Variants in ARHGEF3 observed in about 807,000 individuals in gnomAD.
The protein encoded by ARHGEF3 is Rho guanine nucleotide exchange factor 3, also known as 59.8 kDA protein.
In ARHGEF3, 28 loss-of-function variants were observed where a neutral mutation model predicts 63.2. The observed-to-expected ratio is 0.44, with a 90% confidence interval of 0.33 to 0.61. The LOEUF (loss-of-function observed/expected upper bound fraction) is 0.61. Ranked by LOEUF, ARHGEF3 falls within the 20% of genes least tolerant of loss-of-function variation. The pLI is 0.03. For synonymous variants in ARHGEF3, 266 were observed against 254.2 expected (o/e 1.05, Z -0.44); for missense variants, 533 against 659.3 (o/e 0.81, Z 2.10).
intron 3 of ARHGEF3, among the ~76,000 whole-genome samples, chr3:56,884,900 G>A (rs1414166724): frequency 6.6e-6 from 1 of 152,212 alleles, no homozygotes; most frequent in African/African-American, 2.4e-5. Flanking sequence ...CTGAGGTCAG[G>A]AGAGAGAAGC....
At chr3:56,882,407 T>C in intron 3 of ARHGEF3, 1 of 1,478,298 alleles carries the variant, frequency 6.8e-7, no homozygotes, top group South Asian at 1.2e-5. Flanking sequence ...GTTATGGCTT[T>C]GATTAAGGCA....
chr3:56,943,699 G>C (rs189739653), intron 3 of ARHGEF3, among the ~76,000 whole-genome samples: 1 of 152,314 alleles, frequency 6.6e-6, no homozygotes, highest in Admixed American at 6.5e-5. Flanking sequence ...CGAATCACTT[G>C]AGGTCAGGAG....
intron 3 of ARHGEF3, among the ~76,000 whole-genome samples, chr3:56,906,099 G>C (rs1271660838): frequency 6.6e-6 from 1 of 151,886 alleles, no homozygotes; most frequent in Non-Finnish European, 1.5e-5. Context: ...TCCTGATCTC[G>C]TGCTCTGCCC....
chr3:56,773,391 T>C (rs755582662), intron 2 of ARHGEF3, among the ~76,000 whole-genome samples: 2 of 152,132 alleles, frequency 1.3e-5, no homozygotes, highest in Non-Finnish European at 2.9e-5. Flanking sequence ...CCAGCTAACA[T>C]CATGTGCTGG....
intron 1 of ARHGEF3, among the ~76,000 whole-genome samples, chr3:57,042,681 TA>T (rs55897969): frequency 0.051 from 1,832 of 35,754 alleles, 189 homozygotes; most frequent in African/African-American, 0.14. Context: ...TATATATATA[TA>T]TATATATATA....
At chr3:56,801,148 C>T (rs541228923) in intron 1 of ARHGEF3, among the ~76,000 whole-genome samples, 1 of 152,346 alleles carries the variant, frequency 6.6e-6, no homozygotes, top group East Asian at 1.9e-4. Context: ...CCCAGCCCCC[C>T]GGCTGAATGA....
chr3:56,827,593 T>G (rs1332221394), intron 4 of ARHGEF3, among the ~76,000 whole-genome samples: 1 of 151,776 alleles, frequency 6.6e-6, no homozygotes. Flanking sequence ...TGTCTGTTGT[T>G]GCTAGTAAAG....
rs539608207 is a variant in ARHGEF3 at position 56,898,326 on chromosome 3, C to T, written c.130-15972G>A. 3.3e-5 allele frequency among the ~76,000 whole-genome samples: 5 copies of T among 152,316 alleles called. No homozygotes were observed. The East Asian group carries it at 9.7e-4, about 29-fold the overall frequency. Reference sequence around the variant, plus strand: ...CCAGGTTCAAGCAATTAGCCTGCCTCGGCCTCCTGAGTAGCTGGGATTACA... The same window carrying T: ...CCAGGTTCAAGCAATTAGCCTGCCTTGGCCTCCTGAGTAGCTGGGATTACA... On this transcript the variant is annotated intron_variant, in intron 3 of 12. Coordinates refer to the ARHGEF3 transcript ENST00000338458.
At chr3:56,880,982 G>A (rs568303747) in intron 4 of ARHGEF3, among the ~76,000 whole-genome samples, 37 of 152,178 alleles carry the variant, frequency 2.4e-4, no homozygotes, top group African/African-American at 7.7e-4. Flanking sequence ...GTTCAAGCTC[G>A]CTCCATCATG....
chr3:56,864,180 G>C (rs2040168146), intron 4 of ARHGEF3, among the ~76,000 whole-genome samples: 2 of 152,162 alleles, frequency 1.3e-5, no homozygotes, highest in Admixed American at 1.3e-4. Flanking sequence ...CCTTCCTAGT[G>C]ACTCCATACT....
At chr3:56,826,773 T>A (rs749174627) in intron 4 of ARHGEF3, among the ~76,000 whole-genome samples, 1 of 152,154 alleles carries the variant, frequency 6.6e-6, no homozygotes, top group Non-Finnish European at 1.5e-5. Flanking sequence ...GTCTTCTAAC[T>A]AGAACTGTGA....
At chr3:56,879,013 G>A (rs554585248) in intron 4 of ARHGEF3, among the ~76,000 whole-genome samples, 43 of 152,352 alleles carry the variant, frequency 2.8e-4, no homozygotes, top group Admixed American at 1.1e-3. Context: ...TTGGCTCCTT[G>A]TGAGATTCTA....
At chr3:56,792,267 A>G (rs2037127640) in intron 1 of ARHGEF3, among the ~76,000 whole-genome samples, 1 of 152,228 alleles carries the variant, frequency 6.6e-6, no homozygotes, top group Non-Finnish European at 1.5e-5. Flanking sequence ...TCCCATATGC[A>G]CACATATAGG....
At chr3:56,869,654 A>G (rs954015602) in intron 4 of ARHGEF3, among the ~76,000 whole-genome samples, 1 of 152,224 alleles carries the variant, frequency 6.6e-6, no homozygotes, top group African/African-American at 2.4e-5. Context: ...TGCAATTGAA[A>G]CCAGGAATAT....
chr3:57,033,040 G>A (rs1703796675), intron 2 of ARHGEF3, among the ~76,000 whole-genome samples: 1 of 152,106 alleles, frequency 6.6e-6, no homozygotes, highest in East Asian at 1.9e-4. Context: ...AGGAGGCAGA[G>A]GAAACTACAA....
chr3:57,033,734 T>G (rs1393707509), intron 2 of ARHGEF3, among the ~76,000 whole-genome samples: 1 of 152,112 alleles, frequency 6.6e-6, no homozygotes, highest in Non-Finnish European at 1.5e-5. Context: ...GAAAATCTAT[T>G]TATTTATTTA....
chr3:56,768,957 A>G (rs1421201139), intron 2 of ARHGEF3, among the ~76,000 whole-genome samples: 1 of 152,230 alleles, frequency 6.6e-6, no homozygotes, highest in Non-Finnish European at 1.5e-5. Flanking sequence ...TGAGGAACCC[A>G]AAACTAGGCT....
intron 3 of ARHGEF3, among the ~76,000 whole-genome samples, chr3:56,904,028 T>C (rs182622069): frequency 4.6e-5 from 7 of 151,784 alleles, no homozygotes; most frequent in Middle Eastern, 3.4e-3. Flanking sequence ...TGCCTAAATA[T>C]ATATATATAT....
chr3:56,759,434 G>T (rs554431138), intron 2 of ARHGEF3, among the ~76,000 whole-genome samples: 1 of 152,320 alleles, frequency 6.6e-6, no homozygotes, highest in East Asian at 1.9e-4. Context: ...CTCCCGAAGT[G>T]CTGGGATTAC....
Sources: gnomAD v4.1 joint callset for allele counts (sites outside exome capture counted in the v4.1 genomes callset) on GRCh38, gnomAD v4.1.1 for gene constraint, MANE v1.5 for transcripts, NCBI Gene and HGNC (gene_info 2026-07-23, HGNC 2026-07-21) for gene names.